CDH26: variants seen among roughly 807,000 people sequenced by gnomAD.
CDH26 encodes the protein cadherin-like protein 26.
In CDH26, 83 loss-of-function variants were observed where a neutral mutation model predicts 90.3. The ratio of observed to expected loss-of-function variants is 0.92; its 90% CI spans 0.77 to 1.10. The LOEUF (loss-of-function observed/expected upper bound fraction) is 1.10, where lower values mean the gene tolerates loss of function less well. CDH26 is among the 50% of genes least tolerant of loss of function. CDH26 has a pLI of 0.00. For synonymous variants in CDH26, 397 were observed against 396.3 expected, an observed-to-expected ratio of 1.00 and a Z score of -0.02; for missense variants, 1,013 against 1,037.6, an observed-to-expected ratio of 0.98 and a Z score of 0.33.
exon 8 of CDH26, chr20:60,031,320 T>A: frequency 7.7e-7 from 1 of 1,295,594 alleles, no homozygotes; most frequent in East Asian, 5.8e-5. Flanking sequence ...CACAAGACAT[T>A]TACAAGGAGA....
In CDH26 at chr20:60,002,832, A is replaced by G; in HGVS notation, c.2186A>G (p.Glu729Gly). The G allele has an allele frequency of 6.2e-7, 1 of 1,601,708 alleles. No individual in the cohort carries two copies. Among genetic ancestry groups the G allele is most frequent in the Non-Finnish European group, 8.5e-7 (1 of 1,172,376 alleles). Reference sequence around the variant, plus strand: ...TTTAAGGGTTATGGCAAGCCCTTTGAGCCAAGAAGTGTGAAAAACATACAC... The same window carrying G: ...TTTAAGGGTTATGGCAAGCCCTTTGGGCCAAGAAGTGTGAAAAACATACAC... ...LGSWGYGKPF[E>G]PRSVKNIHST... Residue 729 changes from glutamate (E) to glycine (G), a missense_variant, in exon 16 of 18, where the codon GAG (glutamate) becomes GGG (glycine). Transcript: ENST00000348616.
chr20:60,032,212 C>G (rs1210318624), intron 8 of CDH26, among the ~76,000 whole-genome samples: 4 of 152,104 alleles, frequency 2.6e-5, no homozygotes, highest in African/African-American at 9.7e-5. Flanking sequence ...GGCTTTTAAC[C>G]CAATGAAGGT....
chr20:59,972,262 G>A, intron 4 of CDH26, 139 bp downstream of exon 4: 1 of 735,668 alleles, frequency 1.4e-6, no homozygotes, highest in Non-Finnish European at 2.2e-6. Context: ...AGCTTTACGA[G>A]TATGCCTGAG....
At chr20:60,010,182 G>T (rs537502453) in intron 17 of CDH26, among the ~76,000 whole-genome samples, 6 of 152,020 alleles carry the variant, frequency 3.9e-5, no homozygotes, top group Non-Finnish European at 8.8e-5. Flanking sequence ...CAGTCACTGG[G>T]TGGGGCGGGG....
Position 60,001,565 on chromosome 20 carries a change from G to A in CDH26, c.2166+154G>A, listed in dbSNP as rs564298125. On this transcript the variant is annotated intron_variant, in intron 15 of 17. Transcript: ENST00000348616. Reference sequence around the variant, plus strand: ...CTGAGAAGCTGGGCTTTTTCCACCCGACTCTATTTCCATCTATAGAACTAG... The same window carrying A: ...CTGAGAAGCTGGGCTTTTTCCACCCAACTCTATTTCCATCTATAGAACTAG... The A allele has an allele frequency of 2.5e-3, 2,463 of 985,412 alleles. 2 individuals are homozygous for A. Among genetic ancestry groups the A allele is most frequent in the Non-Finnish European group, 2.8e-3 (2,293 of 829,912 alleles). 61.0% of individuals were successfully genotyped at this position (985,412 alleles called of 1,614,324 possible). A position where few individuals can be genotyped will look rare whatever the true frequency, so the allele number is the denominator to read the frequency against.
At chr20:60,021,216 G>A (rs879555866) in intron 7 of CDH26, among the ~76,000 whole-genome samples, 2 of 152,134 alleles carry the variant, frequency 1.3e-5, no homozygotes, top group Admixed American at 6.5e-5. Context: ...CTGAATTGTT[G>A]GTAAGGGCAA....
chr20:59,989,551 AAAG>A (rs1339545836), intron 9 of CDH26, among the ~76,000 whole-genome samples: 4 of 151,638 alleles, frequency 2.6e-5, no homozygotes, highest in African/African-American at 9.7e-5. Context: ...AAAAAAAAAA[AAAG>A]AAAAGAAAAC....
At chr20:59,979,793 A>G (rs1264241057) in intron 4 of CDH26, among the ~76,000 whole-genome samples, 1 of 150,584 alleles carries the variant, frequency 6.6e-6, no homozygotes, top group Non-Finnish European at 1.5e-5. Flanking sequence ...CACCTGGCTA[A>G]TTTTTATATT....
At chr20:59,966,997 AT>A (rs947786255) in intron 1 of CDH26, among the ~76,000 whole-genome samples, 17 of 147,358 alleles carry the variant, frequency 1.2e-4, no homozygotes, top group Middle Eastern at 3.4e-3. Flanking sequence ...AAAAAAAAAA[AT>A]AATAATGTTA....
In CDH26 at chr20:59,958,785, G is replaced by A. The variant is rs755455443; in HGVS notation, c.59G>A (p.Trp20Ter). 3 of 1,613,796 alleles carry A rather than the reference G, an allele frequency of 1.9e-6. No individual in the cohort carries two copies. Among genetic ancestry groups the A allele is most frequent in the South Asian group, 2.2e-5 (2 of 91,072 alleles). Residue 20 changes from tryptophan (W) to a stop codon, truncating the protein, a stop_gained, in exon 1 of 18, where the codon TGG (tryptophan) becomes TAG (stop). Coordinates refer to ENST00000348616, the MANE Select transcript of CDH26 (RefSeq NM_177980.4). LOFTEE classifies it high-confidence loss of function. ...SLLLLLVLLL[W>*]LLQVSIIDSV... ...CTGCTGCTTCTAGTGCTGCTGCTGT[G>A]GCTGCTGCAGGTAAGCTGAGCCTGC...
intron 4 of CDH26, among the ~76,000 whole-genome samples, chr20:59,978,575 C>T (rs1026321015): frequency 6.6e-6 from 1 of 152,062 alleles, no homozygotes; most frequent in African/African-American, 2.4e-5. Context: ...GGTTTCACTA[C>T]GTTGGCCAGG....
In CDH26 at chr20:60,033,486, A is replaced by G. The variant is rs1399356241; in HGVS notation, c.1145A>G (p.Asp382Gly). The G allele has an allele frequency of 1.2e-5, 16 of 1,303,058 alleles. No individual in the cohort carries two copies. In the Middle Eastern group the frequency reaches 6.4e-4, roughly 52 times the overall value. 80.7% of individuals were successfully genotyped at this position (1,303,058 alleles called of 1,614,324 possible). A position where few individuals can be genotyped will look rare whatever the true frequency, so the allele number is the denominator to read the frequency against. ...TTTCTGTTTTCACCCCATTTTGCAG[A>G]TGAGGAGAACAAGGCTGGGAGAAAG... Residue 382 changes from aspartate (D) to glycine (G), a missense_variant and splice_region_variant, in exon 9 of 9, where the codon GAT (aspartate) becomes GGT (glycine). Asp to Gly is a moderately conservative substitution (Grantham distance 94). Coordinates refer to the CDH26 transcript ENST00000370991.
intron 1 of CDH26, among the ~76,000 whole-genome samples, chr20:59,963,270 T>G (rs796427543): frequency 1.5e-4 from 22 of 145,050 alleles, no homozygotes; most frequent in African/African-American, 5.8e-4. Flanking sequence ...TTTTTTTTTT[T>G]GGCAGGGTCT....
chr20:60,029,306 G>GCACCTATAGTCAACAACGTAT (rs2146035108), intron 7 of CDH26, among the ~76,000 whole-genome samples: 2 of 152,178 alleles, frequency 1.3e-5, no homozygotes, highest in Non-Finnish European at 2.9e-5. Context: ...CAACAACGTA[G>GCACCTATAGTCAACAACGTAT]CATCTATAGT....
At chr20:59,967,520 T>C (rs985509936) in intron 1 of CDH26, among the ~76,000 whole-genome samples, 2 of 152,214 alleles carry the variant, frequency 1.3e-5, no homozygotes, top group African/African-American at 4.8e-5. Context: ...TAAGTTTTTG[T>C]TTTGGTATAA....
At position 59,995,769 on chromosome 20, in the gene CDH26, C is replaced by A. The variant is rs8122451; in HGVS notation, c.1667-64C>A. ...TGGCCCGTGCAGGGCGTTCAGTAAGCGTGTGTTGAGCAGATGAGCAGATGA... is the reference window on the plus strand; with the variant it reads ...TGGCCCGTGCAGGGCGTTCAGTAAGAGTGTGTTGAGCAGATGAGCAGATGA... On this transcript the variant is annotated intron_variant, in intron 11 of 17. Transcript: ENST00000348616. 99 of 1,447,480 alleles carry A rather than the reference C, an allele frequency of 6.8e-5. No homozygotes were observed. The African/African-American group carries it at 1.2e-3, about 17-fold the overall frequency. 89.7% of individuals were successfully genotyped at this position (1,447,480 alleles called of 1,614,324 possible).
chr20:60,021,897 C>CACACACACACACACACATAT (rs1295572684), intron 7 of CDH26, among the ~76,000 whole-genome samples: 1,764 of 78,782 alleles, frequency 0.022, 202 homozygotes, highest in Middle Eastern at 0.057. Flanking sequence ...CACACACACA[C>CACACACACACACACACATAT]ATATATATAT....
chr20:59,984,284 C>T (rs542720892), intron 5 of CDH26, among the ~76,000 whole-genome samples: 1 of 152,228 alleles, frequency 6.6e-6, no homozygotes, highest in African/African-American at 2.4e-5. Flanking sequence ...TTGATTTTAA[C>T]CTCTGCAGTC....
chr20:59,967,224 T>C (rs896900916), intron 1 of CDH26, among the ~76,000 whole-genome samples: 4 of 152,186 alleles, frequency 2.6e-5, no homozygotes, highest in Non-Finnish European at 5.9e-5. Flanking sequence ...TTCAATTTTA[T>C]CTGTAACGAT....
Sources: gnomAD v4.1 joint callset for allele counts (sites outside exome capture counted in the v4.1 genomes callset) on GRCh38, gnomAD v4.1.1 for gene constraint, MANE v1.5 for transcripts, NCBI Gene and HGNC (gene_info 2026-07-23, HGNC 2026-07-21) for gene names.